C1orf159: variants seen among roughly 807,000 people sequenced by gnomAD.
C1orf159 encodes the protein chromosome 1 open reading frame 159.
Under a neutral mutation model 25.6 loss-of-function variants are expected in C1orf159, and 19 were observed. The ratio of observed to expected loss-of-function variants is 0.74; its 90% CI spans 0.52 to 1.09. The LOEUF (loss-of-function observed/expected upper bound fraction) is 1.09, where lower values mean the gene tolerates loss of function less well. C1orf159 is among the 50% of genes least tolerant of loss of function. The probability of loss-of-function intolerance (pLI) is 0.00; values close to 1 mark genes in which losing one functional copy is unlikely to be tolerated. For missense variants in C1orf159, 274 were observed against 290.6 expected, an observed-to-expected ratio of 0.94 and a Z score of 0.42; for synonymous variants, 139 against 124.7, an observed-to-expected ratio of 1.12 and a Z score of -0.77.
At position 1,090,417 on chromosome 1, in the gene C1orf159, G is replaced by A. The variant is rs553118152; in HGVS notation, c.84C>T (p.Pro28=). 3.2e-5 allele frequency: 49 copies of A among 1,550,494 alleles called. No individual in the cohort carries two copies. Among genetic ancestry groups the A allele is most frequent in the African/African-American group, 1.8e-4 (13 of 73,184 alleles). ...CGCCCACCACATCCACACAGCACTC[G>A]GGCAGCTGGGCCTGGAGGGGACACG... ...SKSMENTAQL[P]ECCVDVVGVN... is the part of the protein sequence containing the mutation. Residue 28 remains proline (P), a synonymous_variant, in exon 4 of 10, where the codon CCC becomes CCT. Transcript: ENST00000421241.
intron 1 of C1orf159, among the ~76,000 whole-genome samples, chr1:1,099,651 G>A (rs1031438805): frequency 0.038 from 3,441 of 91,628 alleles, no homozygotes; most frequent in African/African-American, 0.12. Flanking sequence ...TAAAATCTCT[G>A]ACTATGATTG....
rs74443381 is a variant in C1orf159 at position 1,089,099 on chromosome 1, C to T, written c.148+1254G>A. 0.027 allele frequency among the ~76,000 whole-genome samples: 4,174 copies of T among 152,308 alleles called. 94 individuals carry two copies. The highest frequency in any genetic ancestry group is 0.051 in the Middle Eastern group (15 of 294). On this transcript the variant is annotated intron_variant, in intron 4 of 9. Coordinates refer to ENST00000421241, the MANE Select transcript of C1orf159 (RefSeq NM_017891.5). The surrounding 1 kb of genome is among the most constrained non-coding windows in gnomAD (Gnocchi z 7.5). ...TGCCCGCTGCCTCCCCGAGCGGAGA[C>T]GTGACCTGGCTTGGGGCCGCACGCA...
At chr1:1,100,944 G>C (rs1198291904) in intron 1 of C1orf159, among the ~76,000 whole-genome samples, 1 of 152,108 alleles carries the variant, frequency 6.6e-6, no homozygotes, top group African/African-American at 2.4e-5. Context: ...ATAAACCCAA[G>C]AGATGTTTTA....
At chr1:1,090,534 C>T (rs1645912027) in intron 3 of C1orf159, 106 bp from the exon 4 acceptor site, 1 of 1,168,342 alleles carries the variant, frequency 8.6e-7, no homozygotes, top group African/African-American at 1.5e-5. Context: ...TCAATGTCCG[C>T]AGCTCCGGCC....
At chr1:1,107,882 T>C (rs4970356) in intron 1 of C1orf159, among the ~76,000 whole-genome samples, 36,320 of 151,960 alleles carry the variant, frequency 0.24, 5,854 homozygotes, top group African/African-American at 0.46. Flanking sequence ...CTGAAGCCAG[T>C]GAGACCACGA....
chr1:1,087,155 G>C lies in C1orf159; in HGVS notation c.294C>G (p.Pro98=), dbSNP rs139944177. The change falls in exon 6 of 10, where the codon CCC becomes CCG. Residue 98 remains proline, a synonymous_variant. Transcript: ENST00000421241. This position sits in a 1 kb window ranked among gnomAD's most constrained non-coding sequence, Gnocchi z 8.3. The part of the protein sequence containing the change: ...PFPMNRSSGT[P]GRPHPGAPRV... The stretch of plus-strand genomic sequence containing the variant: ...GAGACTTACCAGGATGTGGCCGCCC[G>C]GGGGTCCCTGAGCTTCTGTTCATGG... The C allele has an allele frequency of 1.2e-6, 2 of 1,609,588 alleles. No individual in the cohort carries two copies.
intron 1 of C1orf159, among the ~76,000 whole-genome samples, chr1:1,093,475 G>A (rs1362786883): frequency 3.3e-5 from 5 of 152,224 alleles, no homozygotes; most frequent in Non-Finnish European, 7.3e-5. Context: ...GACGGTGCCC[G>A]GTCCCACACA....
At chr1:1,098,618 AC>A (rs1553124046) in intron 1 of C1orf159, among the ~76,000 whole-genome samples, 1 of 151,966 alleles carries the variant, frequency 6.6e-6, no homozygotes, top group Non-Finnish European at 1.5e-5. Context: ...TATTGGCGTA[AC>A]TTTTTCTTTT....
intron 1 of C1orf159, among the ~76,000 whole-genome samples, chr1:1,115,779 C>T (rs1292388192): frequency 9.6e-6 from 1 of 104,650 alleles, no homozygotes; most frequent in Non-Finnish European, 2.0e-5. Context: ...CCTCCTCAGA[C>T]GCCCCTTCCC....
At chr1:1,085,733 C>A in intron 7 of C1orf159, 145 bp downstream of exon 7, 1 of 1,085,384 alleles carries the variant, frequency 9.2e-7, no homozygotes, top group Non-Finnish European at 1.3e-6. Context: ...CACCGGGACC[C>A]AAAAGCCACA....
In C1orf159 at chr1:1,083,073, G is replaced by A. The variant is rs577581620; in HGVS notation, c.503-86C>T. Reference sequence around the variant, plus strand: ...GCCTCAGCCCTCACCGGAGGCTCTCGGGAGTGGGCATATGGCACAGGCGCC... The same window carrying A: ...GCCTCAGCCCTCACCGGAGGCTCTCAGGAGTGGGCATATGGCACAGGCGCC... On this transcript the variant is annotated intron_variant, in intron 9 of 9. Coordinates refer to ENST00000421241, the MANE Select transcript of C1orf159 (RefSeq NM_017891.5). 1,273 of 1,176,466 alleles carry A rather than the reference G, an allele frequency of 1.1e-3. 1 individual carries two copies. Among genetic ancestry groups the A allele is most frequent in the Non-Finnish European group, 8.8e-4 (743 of 839,854 alleles). 72.9% of individuals were successfully genotyped at this position (1,176,466 alleles called of 1,614,324 possible). A position where few individuals can be genotyped will look rare whatever the true frequency, so the allele number is the denominator to read the frequency against.
At chr1:1,086,791 T>A (rs1278717754) in intron 6 of C1orf159, among the ~76,000 whole-genome samples, 1 of 151,716 alleles carries the variant, frequency 6.6e-6, no homozygotes, top group East Asian at 1.9e-4. Flanking sequence ...GCCGTGAGTG[T>A]GAGCCTTAAG....
intron 1 of C1orf159, among the ~76,000 whole-genome samples, chr1:1,101,642 A>C (rs1045724602): frequency 3.3e-5 from 5 of 151,782 alleles, no homozygotes; most frequent in Non-Finnish European, 7.4e-5. Flanking sequence ...ATGGTCTATC[A>C]ATCAGCTCAC....
intron 3 of C1orf159, chr1:1,091,008 G>A (rs1050345515): frequency 3.6e-5 from 54 of 1,520,986 alleles, no homozygotes; most frequent in Admixed American, 2.0e-4. Flanking sequence ...CGGTGAGGGC[G>A]TCCAGGGGTG....
rs1008973157 is a variant in C1orf159, at chr1:1,113,517, C to T, written c.-136+2543G>A. Among the ~76,000 whole-genome samples the T allele has an allele frequency of 1.5e-4, 23 of 151,816 alleles. 1 individual carries two copies. The highest frequency in any genetic ancestry group is 4.2e-4 in the South Asian group (2 of 4,818). ...AAGCGATCCTCCTGCCTCAGTCCCT[C>T]GAGTAGCTGGGACTGTTAGTGGCAG... On this transcript the variant is annotated intron_variant, in intron 1 of 9. Transcript: ENST00000421241.
intron 3 of C1orf159, chr1:1,090,956 T>C: frequency 6.5e-7 from 1 of 1,550,286 alleles, no homozygotes; most frequent in Non-Finnish European, 8.7e-7. Context: ...GCTTGTGTGT[T>C]GATCACAGCT....
chr1:1,115,788 C>T (rs1646331124), intron 1 of C1orf159, among the ~76,000 whole-genome samples: 1 of 136,760 alleles, frequency 7.3e-6, no homozygotes, highest in Non-Finnish European at 1.6e-5. Context: ...ACGCCCCTTC[C>T]CCTCCCCAGG....
At chr1:1,084,455 C>T (rs1394840007) in intron 8 of C1orf159, 26 bp downstream of exon 8, 2 of 1,570,258 alleles carry the variant, frequency 1.3e-6, no homozygotes, top group East Asian at 2.4e-5. Context: ...CAGGGACGCT[C>T]AGCCCGGATG....
chr1:1,090,288 C>G (rs956068665), intron 4 of C1orf159, 65 bp downstream of exon 4: 24 of 1,486,504 alleles, frequency 1.6e-5, no homozygotes, highest in Non-Finnish European at 2.2e-5. Flanking sequence ...GGGGAGGGCC[C>G]TGGGCACACA....
Sources: allele counts gnomAD v4.1 joint callset (sites outside exome capture counted in the v4.1 genomes callset), GRCh38; gene constraint gnomAD v4.1.1; non-coding constraint Gnocchi (gnomAD v3.1); transcripts MANE v1.5; gene names NCBI Gene and HGNC (gene_info 2026-07-23, HGNC 2026-07-21).